PTPRD: variants seen among roughly 807,000 people sequenced by gnomAD.
PTPRD encodes the protein receptor-type tyrosine-protein phosphatase delta.
PTPRD carries 34 observed loss-of-function variants against 214.5 expected under a neutral mutation model. The observed-to-expected ratio is 0.16, with a 90% CI of 0.12 to 0.21. PTPRD has a LOEUF of 0.21. PTPRD is among the 10% of genes least tolerant of loss of function. The pLI is 1.00. For synonymous variants in PTPRD, 1,128 were observed against 845.7 expected, an observed-to-expected ratio of 1.33 and a Z score of -5.79; for missense variants, 2,545 against 2,398.7, an observed-to-expected ratio of 1.06 and a Z score of -1.27.
At chr9:8,989,443 T>A (rs2099357871) in intron 11 of PTPRD, among the ~76,000 whole-genome samples, 1 of 152,082 alleles carries the variant, frequency 6.6e-6, no homozygotes, top group Admixed American at 6.6e-5. Flanking sequence ...CACATATGAG[T>A]GAGAATATGT....
intron 10 of PTPRD, among the ~76,000 whole-genome samples, chr9:9,153,126 C>T (rs933725113): frequency 1.3e-5 from 2 of 152,110 alleles, no homozygotes; most frequent in South Asian, 2.1e-4. Context: ...TGTGCGTTCA[C>T]GAAATGTGAA....
At chr9:10,608,482 C>T (rs2080078121) in intron 2 of PTPRD, among the ~76,000 whole-genome samples, 1 of 152,054 alleles carries the variant, frequency 6.6e-6, no homozygotes, top group Non-Finnish European at 1.5e-5. Flanking sequence ...AGGACAATTT[C>T]CTTAGCCCTC....
intron 8 of PTPRD, among the ~76,000 whole-genome samples, chr9:9,460,611 A>C (rs903845525): frequency 6.6e-6 from 1 of 152,154 alleles, no homozygotes; most frequent in Admixed American, 6.6e-5. Context: ...ATGCAAATTA[A>C]AACCACAATA....
At chr9:9,477,935 T>C (rs908254888) in intron 8 of PTPRD, among the ~76,000 whole-genome samples, 2 of 152,160 alleles carry the variant, frequency 1.3e-5, no homozygotes, top group South Asian at 2.1e-4. Context: ...AGGCTGGAGA[T>C]TGATTTGTGT....
chr9:8,943,323 C>T (rs1267905185), intron 11 of PTPRD, among the ~76,000 whole-genome samples: 13 of 151,474 alleles, frequency 8.6e-5, no homozygotes, highest in African/African-American at 2.4e-5. Flanking sequence ...CCAAACCTAC[C>T]CTGAGCAAAA....
intron 4 of PTPRD, among the ~76,000 whole-genome samples, chr9:9,977,686 T>G (rs1587986512): frequency 6.6e-6 from 1 of 152,130 alleles, no homozygotes; most frequent in Non-Finnish European, 1.5e-5. Context: ...TGATTCTTAT[T>G]ATGTTTAATA....
chr9:10,145,529 C>A (rs1248771349), intron 3 of PTPRD, among the ~76,000 whole-genome samples: 1 of 152,070 alleles, frequency 6.6e-6, no homozygotes, highest in East Asian at 1.9e-4. Flanking sequence ...TGGAAGAATA[C>A]AGAATATAAT....
chr9:8,953,376 C>A (rs1450371832), intron 11 of PTPRD, among the ~76,000 whole-genome samples: 6 of 151,900 alleles, frequency 3.9e-5, no homozygotes, highest in Non-Finnish European at 7.4e-5. Flanking sequence ...GATTAAAGAC[C>A]TCAAACTATA....
rs191280996 is a variant in PTPRD, at chr9:9,440,416, G to C, written c.-236-42934C>G. 1.6e-3 allele frequency among the ~76,000 whole-genome samples: 238 copies of C among 152,256 alleles called. 1 individual carries two copies. Among genetic ancestry groups the C allele is most frequent in the African/African-American group, 5.5e-3 (227 of 41,558 alleles). On this transcript the variant is annotated intron_variant, in intron 8 of 45. Transcript: ENST00000381196. ...AAATGCAAAAGTGAAAAGGTAGAAA[G>C]GGGCAATTAATTTGCATGGTGGGAA...
At chr9:10,382,847 T>A (rs1348222699) in intron 2 of PTPRD, among the ~76,000 whole-genome samples, 1 of 151,894 alleles carries the variant, frequency 6.6e-6, no homozygotes, top group African/African-American at 2.4e-5. Context: ...GGGCTATTTT[T>A]AAATTTTTTA....
At chr9:9,661,282 G>A (rs2096617231) in intron 7 of PTPRD, among the ~76,000 whole-genome samples, 1 of 151,714 alleles carries the variant, frequency 6.6e-6, no homozygotes, top group African/African-American at 2.4e-5. Flanking sequence ...GAAAATACTG[G>A]CCACTACCCC....
intron 11 of PTPRD, among the ~76,000 whole-genome samples, chr9:8,799,675 T>C (rs1167580207): frequency 6.6e-6 from 1 of 152,184 alleles, no homozygotes; most frequent in African/African-American, 2.4e-5. Flanking sequence ...AAAGATGGTA[T>C]AGCAGATGTA....
In PTPRD at chr9:8,676,100, A is replaced by C. The variant is rs536281307; in HGVS notation, c.65-39256T>G. ...CAAACTATCTCCAGGTCCCTGAATA[A>C]GTGACATTACTCCTAATACTTTTTT... On this transcript the variant is annotated intron_variant, in intron 12 of 45. Coordinates refer to ENST00000381196, the MANE Select transcript of PTPRD (RefSeq NM_002839.4). Among the ~76,000 whole-genome samples the C allele has an allele frequency of 1.6e-3, 243 of 152,322 alleles. 1 individual carries two copies. Among genetic ancestry groups the C allele is most frequent in the Non-Finnish European group, 2.5e-3 (171 of 68,028 alleles).
intron 8 of PTPRD, among the ~76,000 whole-genome samples, chr9:9,483,358 C>G (rs143665532): frequency 6.6e-6 from 1 of 152,036 alleles, no homozygotes; most frequent in Admixed American, 6.6e-5. Context: ...ATTTAGGATG[C>G]GTGAAGATTG....
chr9:8,743,161 C>T (rs751841981), intron 11 of PTPRD, among the ~76,000 whole-genome samples: 52 of 150,580 alleles, frequency 3.5e-4, no homozygotes, highest in Non-Finnish European at 5.5e-4. Context: ...GCTTTCTAAA[C>T]CCACCAATTT....
At chr9:8,389,450 A>G (rs1589289148) in intron 36 of PTPRD, 43 bp from the exon 37 acceptor site, 3 of 1,501,744 alleles carry the variant, frequency 2.0e-6, no homozygotes, top group Non-Finnish European at 2.7e-6. Flanking sequence ...AGCACATCAC[A>G]AGAGGAAACA....
chr9:8,731,104 CCCT>C (rs1171873241), intron 12 of PTPRD, among the ~76,000 whole-genome samples: 1 of 152,182 alleles, frequency 6.6e-6, no homozygotes, highest in Non-Finnish European at 1.5e-5. Flanking sequence ...CTTATAAGAG[CCCT>C]CCTCCTTAAT....
chr9:9,797,605 G>T (rs2153494024), intron 5 of PTPRD, among the ~76,000 whole-genome samples: 1 of 152,262 alleles, frequency 6.6e-6, no homozygotes, highest in African/African-American at 2.4e-5. Context: ...CAGCACTTTG[G>T]GAGGCTGAGG....
intron 12 of PTPRD, among the ~76,000 whole-genome samples, chr9:8,689,231 A>G (rs2154380015): frequency 6.6e-6 from 1 of 152,364 alleles, no homozygotes; most frequent in Admixed American, 6.5e-5. Context: ...AATAAAAAAT[A>G]AACTGTGTGG....
Sources: gnomAD v4.1 joint callset for allele counts (sites outside exome capture counted in the v4.1 genomes callset) on GRCh38, gnomAD v4.1.1 for gene constraint, MANE v1.5 for transcripts, NCBI Gene and HGNC (gene_info 2026-07-23, HGNC 2026-07-21) for gene names.